The following PCDH15 variants were observed in gnomAD, a reference collection of about 807,000 sequenced individuals.
The protein encoded by PCDH15 is protocadherin-15.
In PCDH15, 129 loss-of-function variants were observed where a neutral mutation model predicts 178.5. That is an observed-to-expected ratio of 0.72 (90% confidence interval 0.63 to 0.84). The LOEUF is 0.84. Ranked by LOEUF, PCDH15 falls within the 40% of genes least tolerant of loss-of-function variation. PCDH15 has a pLI of 0.00. For missense variants in PCDH15, 2,230 were observed against 2,099.9 expected, an observed-to-expected ratio of 1.06 and a Z score of -1.21; for synonymous variants, 800 against 732.0, an observed-to-expected ratio of 1.09 and a Z score of -1.50.
intron 26 of PCDH15, among the ~76,000 whole-genome samples, chr10:53,901,594 T>C (rs534847606): frequency 6.6e-6 from 1 of 152,296 alleles, no homozygotes; most frequent in East Asian, 1.9e-4. Flanking sequence ...GATGATGTCA[T>C]AACTGTTTAA....
intron 2 of PCDH15, among the ~76,000 whole-genome samples, chr10:55,077,449 TCCC>T (rs1841932829): frequency 5.7e-5 from 7 of 121,838 alleles, no homozygotes; most frequent in South Asian, 2.6e-4. Context: ...CTTCCTTCCT[TCCC>T]TTCCTTCCTT....
chr10:55,225,813 T>G (rs890561241), intron 1 of PCDH15, among the ~76,000 whole-genome samples: 1 of 152,116 alleles, frequency 6.6e-6, no homozygotes, highest in Non-Finnish European at 1.5e-5. Context: ...AGCCTTCCCC[T>G]GTACACGTTT....
intron 2 of PCDH15, among the ~76,000 whole-genome samples, chr10:54,957,032 C>T (rs1386860077): frequency 6.6e-6 from 1 of 151,630 alleles, no homozygotes; most frequent in Non-Finnish European, 1.5e-5. Flanking sequence ...ATGCCCTGTA[C>T]TGAGTTATAA....
At chr10:54,738,249 A>G (rs1485065097) in intron 1 of PCDH15, among the ~76,000 whole-genome samples, 1 of 152,126 alleles carries the variant, frequency 6.6e-6, no homozygotes, top group Non-Finnish European at 1.5e-5. Context: ...TAGGTTTATA[A>G]AAGGATCAGG....
chr10:54,786,321 T>C (rs1327500706), intron 1 of PCDH15, among the ~76,000 whole-genome samples: 4 of 152,022 alleles, frequency 2.6e-5, no homozygotes, highest in African/African-American at 9.7e-5. Context: ...AGACACATGA[T>C]TCTACTACTT....
At chr10:54,497,371 T>C (rs2080226622) in intron 3 of PCDH15, among the ~76,000 whole-genome samples, 1 of 152,252 alleles carries the variant, frequency 6.6e-6, no homozygotes, top group Middle Eastern at 3.4e-3. Context: ...ACAAGAATTC[T>C]GGTGACTATA....
At chr10:54,306,367 A>C (rs1288174905) in intron 8 of PCDH15, among the ~76,000 whole-genome samples, 2 of 152,052 alleles carry the variant, frequency 1.3e-5, no homozygotes, top group Non-Finnish European at 2.9e-5. Context: ...AGAGAGCGAG[A>C]GAAAGATAAT....
In PCDH15 at chr10:54,079,353, G is replaced by A. The variant is rs778066232; in HGVS notation, c.2069C>T (p.Ala690Val). The change falls in exon 17 of 38, where the codon GCT becomes GTT. Residue 690 changes from alanine to valine, a missense_variant. Physicochemically the swap from Ala to Val is moderately conservative, Grantham distance 64 (BLOSUM62 0). Coordinates refer to ENST00000644397, the MANE Select transcript of PCDH15 (RefSeq NM_001384140.1). ...CACCCCATCTGGCCTGCCATCTGAA[G>A]CTGTGATGATCAGAATGTAGCGATC... ...STDRYILIIT[A>V]SDGRPDGTST... 1.1e-5 allele frequency: 17 copies of A among 1,613,964 alleles called. No homozygotes were observed. The highest frequency in any genetic ancestry group is 2.2e-5 in the East Asian group (1 of 44,876).
intron 3 of PCDH15, among the ~76,000 whole-genome samples, chr10:54,389,457 G>C (rs1170859883): frequency 6.6e-6 from 1 of 152,176 alleles, no homozygotes; most frequent in Non-Finnish European, 1.5e-5. Flanking sequence ...GAGCCGTCTA[G>C]TTGATGCTGC....
chr10:53,840,141 C>T (rs1238161842), intron 29 of PCDH15, among the ~76,000 whole-genome samples, 179 bp downstream of exon 29: 1 of 150,980 alleles, frequency 6.6e-6, no homozygotes, highest in East Asian at 2.0e-4. Flanking sequence ...GTAGCCCACA[C>T]TTAGACCTGA....
At chr10:54,219,039 G>A (rs2052423570) in intron 9 of PCDH15, among the ~76,000 whole-genome samples, 1 of 146,078 alleles carries the variant, frequency 6.8e-6, no homozygotes, top group Non-Finnish European at 1.5e-5. Context: ...GGATCACAAG[G>A]TCAGGAGATC....
intron 2 of PCDH15, among the ~76,000 whole-genome samples, chr10:54,648,525 G>T (rs2094183687): frequency 6.6e-6 from 1 of 152,034 alleles, no homozygotes; most frequent in Non-Finnish European, 1.5e-5. Flanking sequence ...TAAAAATAAA[G>T]CTATGCAATT....
intron 2 of PCDH15, among the ~76,000 whole-genome samples, chr10:54,633,766 AC>A (rs1383952068): frequency 6.6e-6 from 1 of 152,138 alleles, no homozygotes; most frequent in African/African-American, 2.4e-5. Context: ...TAAATCAATT[AC>A]GCCCCAACCC....
intron 2 of PCDH15, among the ~76,000 whole-genome samples, chr10:54,633,465 T>C (rs933698873): frequency 6.6e-6 from 1 of 151,876 alleles, no homozygotes; most frequent in Non-Finnish European, 1.5e-5. Flanking sequence ...GTGTCAAAGA[T>C]CAAATAAAGA....
At chr10:54,707,940 T>C (rs982801206) in intron 1 of PCDH15, among the ~76,000 whole-genome samples, 1 of 152,170 alleles carries the variant, frequency 6.6e-6, no homozygotes, top group East Asian at 1.9e-4. Context: ...GTCATCACTT[T>C]TGGGATGGCA....
intron 8 of PCDH15, among the ~76,000 whole-genome samples, chr10:54,243,452 A>G (rs892757826): frequency 6.6e-6 from 1 of 152,206 alleles, no homozygotes; most frequent in Admixed American, 6.5e-5. Flanking sequence ...GCTTGCAGTG[A>G]GCAGAGTTTG....
At position 54,106,666 on chromosome 10, in the gene PCDH15, C is replaced by T. The variant is rs370517175; in HGVS notation, c.1918-16603G>A. On this transcript the variant is annotated intron_variant, in intron 15 of 37. Coordinates refer to ENST00000644397, the MANE Select transcript of PCDH15 (RefSeq NM_001384140.1). ...TGGTATAGGATTAGACAATTAGGTT[C>T]GTACAATATGAAGTGTGGATCCACA... 3.2e-4 allele frequency among the ~76,000 whole-genome samples: 49 copies of T among 152,224 alleles called. No individual in the cohort carries two copies. The South Asian group carries it at 9.3e-3, about 29-fold the overall frequency.
chr10:54,410,418 T>C (rs1259045867), intron 3 of PCDH15, among the ~76,000 whole-genome samples: 8 of 152,154 alleles, frequency 5.3e-5, no homozygotes, highest in Non-Finnish European at 1.0e-4. Flanking sequence ...CTTTTAGACT[T>C]TGCTTGACTG....
At chr10:55,574,439 A>T (rs567882536) in intron 2 of PCDH15, among the ~76,000 whole-genome samples, 1 of 152,132 alleles carries the variant, frequency 6.6e-6, no homozygotes, top group Admixed American at 6.6e-5. Context: ...GTAGGCAATC[A>T]ACTTTAGAAC....
Sources: allele counts gnomAD v4.1 joint callset (sites outside exome capture counted in the v4.1 genomes callset), GRCh38; gene constraint gnomAD v4.1.1; transcripts MANE v1.5; gene names NCBI Gene and HGNC (gene_info 2026-07-23, HGNC 2026-07-21).